GRID1: variants seen among roughly 807,000 people sequenced by gnomAD.
GRID1 encodes glutamate ionotropic receptor delta type subunit 1.
A neutral mutation model predicts 98.0 loss-of-function variants in GRID1; 28 were observed. The ratio of observed to expected loss-of-function variants is 0.29; its 90% CI spans 0.21 to 0.39. The LOEUF (loss-of-function observed/expected upper bound fraction) is 0.39. Among genes scored for constraint, GRID1 ranks in the 10% least tolerant of loss-of-function variants. GRID1 has a pLI of 1.00. For synonymous variants in GRID1, 553 were observed against 538.5 expected (o/e 1.03, Z -0.37); for missense variants, 1,111 against 1,340.5 (o/e 0.83, Z 2.67).
chr10:85,613,215 T>A, intron 15 of GRID1, 192 bp downstream of exon 15: 1 of 629,466 alleles, frequency 1.6e-6, no homozygotes, highest in Non-Finnish European at 2.7e-6. Context: ...CATGAAAACA[T>A]CCCCTACATT....
intron 8 of GRID1, among the ~76,000 whole-genome samples, chr10:85,821,740 G>A (rs891654170): frequency 5.9e-5 from 9 of 151,936 alleles, no homozygotes; most frequent in Non-Finnish European, 1.0e-4. Context: ...TCAATCCTAA[G>A]CCAAAAGAAC....
At chr10:85,988,319 C>T (rs975399979) in intron 4 of GRID1, among the ~76,000 whole-genome samples, 1 of 152,180 alleles carries the variant, frequency 6.6e-6, no homozygotes, top group Non-Finnish European at 1.5e-5. Flanking sequence ...ACCCTTCACA[C>T]AGAGTCTGGC....
intron 2 of GRID1, among the ~76,000 whole-genome samples, chr10:86,275,946 T>G (rs1188511645): frequency 6.6e-6 from 1 of 152,180 alleles, no homozygotes; most frequent in East Asian, 1.9e-4. Flanking sequence ...CCAAGTAAGA[T>G]AAACTCAGAG....
intron 12 of GRID1, among the ~76,000 whole-genome samples, chr10:85,692,606 G>T (rs1340667241): frequency 6.6e-6 from 1 of 151,030 alleles, no homozygotes; most frequent in Non-Finnish European, 1.5e-5. Context: ...GGCAGAGGTT[G>T]CAGTGAGCCA....
intron 12 of GRID1, among the ~76,000 whole-genome samples, chr10:85,713,354 G>T (rs945721320): frequency 2.0e-5 from 3 of 151,908 alleles, no homozygotes; most frequent in Middle Eastern, 3.4e-3. Context: ...ACTGATTGCT[G>T]AAGAAATAGA....
chr10:85,731,112 A>G (rs964386387), intron 8 of GRID1, among the ~76,000 whole-genome samples: 1 of 152,180 alleles, frequency 6.6e-6, no homozygotes, highest in Non-Finnish European at 1.5e-5. Flanking sequence ...CTATAAGGCC[A>G]TAGAACCTGA....
intron 8 of GRID1, among the ~76,000 whole-genome samples, chr10:85,746,664 A>G (rs1219437182): frequency 2.0e-5 from 3 of 152,106 alleles, no homozygotes; most frequent in Non-Finnish European, 4.4e-5. Context: ...ATAGTTCCAG[A>G]TGATCTCAGT....
intron 4 of GRID1, among the ~76,000 whole-genome samples, chr10:86,056,790 G>A (rs565187870): frequency 6.6e-6 from 1 of 152,352 alleles, no homozygotes; most frequent in Admixed American, 6.5e-5. Context: ...TTTGGCTGTT[G>A]CCCATACATA....
chr10:85,729,269 G>C (rs559923758), intron 9 of GRID1, among the ~76,000 whole-genome samples: 1 of 152,282 alleles, frequency 6.6e-6, no homozygotes, highest in East Asian at 1.9e-4. Context: ...AGCTGTGAAT[G>C]AGAAGTCCTT....
At chr10:86,022,174 C>T (rs562590512) in intron 4 of GRID1, among the ~76,000 whole-genome samples, 8 of 152,228 alleles carry the variant, frequency 5.3e-5, no homozygotes, top group East Asian at 3.9e-4. Flanking sequence ...TTAATCTAAA[C>T]GCTAAATTTT....
In GRID1 at chr10:85,599,802, A is replaced by AATATATATATATATATATATATATATAT. The variant is rs1198693547; in HGVS notation, c.*2470_*2471insATATATATATATATATATATATATATAT. On this transcript the variant is annotated 3_prime_UTR_variant, in exon 16 of 16. Coordinates refer to ENST00000327946, the MANE Select transcript of GRID1 (RefSeq NM_017551.3). ...GTAGAAAATTCTAAAAAAAAAAAAA[A>AATATATATATATATATATATATATATAT]ATATATATATATATATATAAACATG... 1.5e-5 allele frequency: 1 copy of AATATATATATATATATATATATATATAT among 64,974 alleles called. No individual in the cohort carries two copies. 4.0% of individuals were successfully genotyped at this position (64,974 alleles called of 1,614,324 possible).
Position 85,602,643 on chromosome 10 carries a change from T to A in GRID1, c.2660A>T (p.Asp887Val). 1 of 1,613,882 alleles carries A rather than the reference T, an allele frequency of 6.2e-7. No homozygotes were observed. The highest frequency in any genetic ancestry group is 8.5e-7 in the Non-Finnish European group (1 of 1,179,918). Residue 887 changes from aspartate (D) to valine (V), a missense_variant, in exon 16 of 16, where the codon GAC becomes GTC. This residue lies in a region of GRID1 where 762 missense variants were observed against 869.1 expected (regional missense o/e 0.88). Coordinates refer to ENST00000327946, the MANE Select transcript of GRID1 (RefSeq NM_017551.3). Reference sequence around the variant, plus strand: ...TGGGGAAATCTGCTTGTGAGCAATGTCTTCATCCATGAGGCTGTTCATGCG... The same window carrying A: ...TGGGGAAATCTGCTTGTGAGCAATGACTTCATCCATGAGGCTGTTCATGCG... ...HRRMNSLMDE[D>V]IAHKQISPAS...
At chr10:85,797,765 A>G (rs1450420465) in intron 8 of GRID1, among the ~76,000 whole-genome samples, 2 of 152,048 alleles carry the variant, frequency 1.3e-5, no homozygotes, top group Admixed American at 1.3e-4. Context: ...TGTCTATTAC[A>G]ACACATGTTT....
At chr10:85,642,303 C>T (rs747640314) in intron 13 of GRID1, among the ~76,000 whole-genome samples, 7 of 152,208 alleles carry the variant, frequency 4.6e-5, no homozygotes, top group South Asian at 2.1e-4. Flanking sequence ...TTGGTCTAGT[C>T]TTTCCTTAGG....
At chr10:86,035,851 T>C (rs1589345919) in intron 4 of GRID1, among the ~76,000 whole-genome samples, 1 of 151,996 alleles carries the variant, frequency 6.6e-6, no homozygotes, top group African/African-American at 2.4e-5. Flanking sequence ...AAATAGCAGG[T>C]GCTTTAAGAG....
intron 4 of GRID1, among the ~76,000 whole-genome samples, chr10:85,923,686 T>C (rs1841737026): frequency 2.0e-5 from 3 of 152,222 alleles, no homozygotes; most frequent in Admixed American, 6.5e-5. Context: ...AAAGTCAGTG[T>C]AACCAGGCCT....
chr10:85,831,509 T>G (rs902484135), intron 8 of GRID1, among the ~76,000 whole-genome samples: 1 of 151,972 alleles, frequency 6.6e-6, no homozygotes, highest in Non-Finnish European at 1.5e-5. Context: ...AACAATAAAA[T>G]GAGATACCGT....
chr10:85,821,788 A>C (rs1014996485), intron 8 of GRID1, among the ~76,000 whole-genome samples: 1 of 152,172 alleles, frequency 6.6e-6, no homozygotes, highest in Non-Finnish European at 1.5e-5. Context: ...TTCAAACTTT[A>C]CTACAAGGCT....
intron 4 of GRID1, among the ~76,000 whole-genome samples, chr10:86,030,886 A>G (rs1045631702): frequency 1.3e-5 from 2 of 152,194 alleles, no homozygotes; most frequent in African/African-American, 2.4e-5. Context: ...AGGACTAGAC[A>G]TGTTCAAGAT....
Sources: allele counts gnomAD v4.1 joint callset (sites outside exome capture counted in the v4.1 genomes callset), GRCh38; gene constraint gnomAD v4.1.1; regional missense constraint gnomAD v4.1.1; transcripts MANE v1.5; gene names NCBI Gene and HGNC (gene_info 2026-07-23, HGNC 2026-07-21).